The following RBMS3 variants were observed in gnomAD, a reference collection of about 807,000 sequenced individuals.
The protein encoded by RBMS3 is RNA binding motif single stranded interacting protein 3.
A neutral mutation model predicts 66.8 loss-of-function variants in RBMS3; 27 were observed. That is an observed-to-expected ratio of 0.40 (90% CI 0.30 to 0.56). The LOEUF (loss-of-function observed/expected upper bound fraction) is 0.56, where lower values mean the gene tolerates loss of function less well. Among genes scored for constraint, RBMS3 ranks in the 20% least tolerant of loss-of-function variants. RBMS3 has a pLI of 0.40. For missense variants in RBMS3, 513 were observed against 549.5 expected (o/e 0.93, Z 0.66); for synonymous variants, 188 against 183.0 (o/e 1.03, Z -0.22).
intron 12 of RBMS3, among the ~76,000 whole-genome samples, chr3:29,967,171 C>T (rs1696906912): frequency 6.6e-6 from 1 of 152,060 alleles, no homozygotes; most frequent in African/African-American, 2.4e-5. Flanking sequence ...TGTGTCCTTT[C>T]CTGGTTTTGG....
intron 6 of RBMS3, among the ~76,000 whole-genome samples, chr3:29,776,005 G>C (rs1344938795): frequency 1.3e-5 from 2 of 152,026 alleles, no homozygotes; most frequent in South Asian, 2.1e-4. Context: ...CCATGTAATA[G>C]ATAAAATAAT....
intron 14 of RBMS3, among the ~76,000 whole-genome samples, chr3:29,995,951 C>CAATT (rs1699200940): frequency 1.3e-5 from 2 of 151,972 alleles, no homozygotes; most frequent in African/African-American, 4.8e-5. Context: ...CTAAATGCTC[C>CAATT]AATTAAAAGA....
At chr3:29,631,652 A>T (rs12494195) in intron 4 of RBMS3, among the ~76,000 whole-genome samples, 2,329 of 151,996 alleles carry the variant, frequency 0.015, 65 homozygotes, top group African/African-American at 0.053. Context: ...CGTATTGCTG[A>T]TGCTTATTGA....
intron 1 of RBMS3, among the ~76,000 whole-genome samples, chr3:29,410,246 A>G (rs2125682510): frequency 6.6e-6 from 1 of 152,362 alleles, no homozygotes; most frequent in African/African-American, 2.4e-5. Flanking sequence ...ACTTAGAAGG[A>G]AAAAACAAAG....
Position 29,868,874 on chromosome 3 carries a change from G to T in RBMS3, c.654G>T (p.Leu218Phe), listed in dbSNP as rs768224482. ...TCTTCCCAGCCCCCAGTGAGCCTTTGCTGTGCAAATTCGCTGATGGAGGAC... is the reference window on the plus strand; with the variant it reads ...TCTTCCCAGCCCCCAGTGAGCCTTTTCTGTGCAAATTCGCTGATGGAGGAC... ...PPGIPAPSEP[L>F]LCKFADGGQK... The change falls in exon 7 of 15, where the codon TTG becomes TTT. Residue 218 changes from leucine to phenylalanine, a missense_variant. Leu to Phe is a conservative substitution (Grantham distance 22, BLOSUM62 0). Coordinates refer to ENST00000383767, the MANE Select transcript of RBMS3 (RefSeq NM_001003793.3). 1 of 1,599,960 alleles carries T rather than the reference G, an allele frequency of 6.3e-7. No homozygotes were observed. Among genetic ancestry groups the T allele is most frequent in the East Asian group, 2.2e-5 (1 of 44,676 alleles).
intron 1 of RBMS3, among the ~76,000 whole-genome samples, chr3:29,284,984 G>A (rs1412764614): frequency 6.8e-6 from 1 of 148,132 alleles, no homozygotes; most frequent in Non-Finnish European, 1.5e-5. Context: ...ACAACCGGAT[G>A]AAAAAATAGT....
At chr3:29,948,054 CT>C (rs1175245549) in intron 12 of RBMS3, among the ~76,000 whole-genome samples, 4 of 151,534 alleles carry the variant, frequency 2.6e-5, no homozygotes, top group Admixed American at 1.3e-4. Flanking sequence ...TATTTTCATT[CT>C]TTGCTCTAAC....
chr3:29,673,457 G>A (rs2051093704), intron 4 of RBMS3, among the ~76,000 whole-genome samples: 1 of 149,072 alleles, frequency 6.7e-6, no homozygotes, highest in African/African-American at 2.5e-5. Flanking sequence ...GTGAATCCAG[G>A]AGCTGGTTTT....
At chr3:29,420,034 G>T (rs1016107259) in intron 1 of RBMS3, among the ~76,000 whole-genome samples, 8 of 152,104 alleles carry the variant, frequency 5.3e-5, no homozygotes, top group African/African-American at 1.9e-4. Flanking sequence ...GGCATTAATG[G>T]TCTGCCCTCT....
At chr3:29,420,729 G>A (rs940437479) in intron 1 of RBMS3, among the ~76,000 whole-genome samples, 1 of 151,854 alleles carries the variant, frequency 6.6e-6, no homozygotes, top group African/African-American at 2.4e-5. Flanking sequence ...AGTGCATAGA[G>A]CAAGCACTGA....
At chr3:29,394,764 A>G (rs1198678755) in intron 1 of RBMS3, among the ~76,000 whole-genome samples, 1 of 152,086 alleles carries the variant, frequency 6.6e-6, no homozygotes, top group Non-Finnish European at 1.5e-5. Flanking sequence ...GCCCTCTGTG[A>G]TCTTTCCAGG....
chr3:29,899,314 A>G (rs2060198463), intron 9 of RBMS3, among the ~76,000 whole-genome samples: 1 of 151,752 alleles, frequency 6.6e-6, no homozygotes, highest in South Asian at 2.1e-4. Context: ...ACAACTGATG[A>G]CAGAAAAAGA....
At chr3:29,393,751 C>T (rs1046057199) in intron 1 of RBMS3, among the ~76,000 whole-genome samples, 6 of 151,980 alleles carry the variant, frequency 3.9e-5, no homozygotes, top group African/African-American at 7.3e-5. Flanking sequence ...GCTGGGCCTC[C>T]GGGGGTGACA....
intron 3 of RBMS3, among the ~76,000 whole-genome samples, chr3:29,494,881 G>T (rs2043683027): frequency 6.8e-6 from 1 of 147,716 alleles, no homozygotes; most frequent in South Asian, 2.1e-4. Context: ...AAGTTTCCAT[G>T]CCTATTAACC....
At chr3:29,542,841 T>G (rs2045815896) in intron 3 of RBMS3, among the ~76,000 whole-genome samples, 1 of 152,260 alleles carries the variant, frequency 6.6e-6, no homozygotes, top group Non-Finnish European at 1.5e-5. Flanking sequence ...AGCCTCTTGC[T>G]TTTTGTAAAA....
intron 1 of RBMS3, among the ~76,000 whole-genome samples, chr3:29,393,601 G>A (rs1032496175): frequency 1.3e-5 from 2 of 152,156 alleles, no homozygotes; most frequent in Admixed American, 6.5e-5. Flanking sequence ...TAAAATATAA[G>A]TCAGGTTATG....
intron 4 of RBMS3, among the ~76,000 whole-genome samples, chr3:29,716,886 G>A (rs560259036): frequency 1.4e-5 from 2 of 147,752 alleles, no homozygotes; most frequent in South Asian, 4.4e-4. Context: ...GGTAGAGTAA[G>A]TCAGCTAGTT....
At chr3:29,449,463 T>G (rs767470769) in intron 2 of RBMS3, among the ~76,000 whole-genome samples, 14 of 152,250 alleles carry the variant, frequency 9.2e-5, no homozygotes, top group Non-Finnish European at 1.9e-4. Context: ...TGATGCAGTT[T>G]AAATCTTTCT....
intron 1 of RBMS3, among the ~76,000 whole-genome samples, chr3:29,338,669 C>G (rs2036094437): frequency 6.8e-6 from 1 of 146,524 alleles, no homozygotes; most frequent in Admixed American, 6.8e-5. Flanking sequence ...TTTCTCCTCT[C>G]CTCTCCTCCT....
Sources: gnomAD v4.1 joint callset for allele counts (sites outside exome capture counted in the v4.1 genomes callset) on GRCh38, gnomAD v4.1.1 for gene constraint, MANE v1.5 for transcripts, NCBI Gene and HGNC (gene_info 2026-07-23, HGNC 2026-07-21) for gene names.